The following MCC variants were observed in gnomAD, a reference collection of about 807,000 sequenced individuals.
MCC encodes colorectal mutant cancer protein.
MCC carries 90 observed loss-of-function variants against 116.2 expected under a neutral mutation model. The observed-to-expected ratio is 0.77, with a 90% CI of 0.65 to 0.92. The LOEUF (loss-of-function observed/expected upper bound fraction) is 0.92. Ranked by LOEUF, MCC falls within the 40% of genes least tolerant of loss-of-function variation. MCC has a pLI of 0.00. For synonymous variants in MCC, 578 were observed against 510.5 expected, an observed-to-expected ratio of 1.13 and a Z score of -1.78; for missense variants, 1,516 against 1,312.2, an observed-to-expected ratio of 1.16 and a Z score of -2.40.
chr5:113,334,085 T>A (rs1767813181), intron 3 of MCC, among the ~76,000 whole-genome samples: 1 of 147,422 alleles, frequency 6.8e-6, no homozygotes, highest in Non-Finnish European at 1.5e-5. Context: ...AACCAAGTAG[T>A]ATAGCTGACA....
chr5:113,396,778 T>A (rs1350182391), intron 1 of MCC, among the ~76,000 whole-genome samples: 1 of 152,210 alleles, frequency 6.6e-6, no homozygotes, highest in Non-Finnish European at 1.5e-5. Context: ...GTATTCCCAA[T>A]ACCAAGAATG....
intron 1 of MCC, among the ~76,000 whole-genome samples, chr5:113,465,138 G>T (rs1333896635): frequency 6.7e-6 from 1 of 148,998 alleles, no homozygotes; most frequent in African/African-American, 2.5e-5. Context: ...AGGAAGGGAG[G>T]CCACATAAAA....
At chr5:113,121,365 T>C (rs921566560) in intron 6 of MCC, among the ~76,000 whole-genome samples, 9 of 152,230 alleles carry the variant, frequency 5.9e-5, no homozygotes. Flanking sequence ...GTCTCTGTCA[T>C]GGCCTGTAAG....
intron 3 of MCC, among the ~76,000 whole-genome samples, chr5:113,214,182 T>A (rs1450752076): frequency 6.6e-6 from 1 of 152,182 alleles, no homozygotes; most frequent in African/African-American, 2.4e-5. Context: ...ATGAAAAGCA[T>A]CCTGGGCTAC....
chr5:113,085,370 C>A, intron 8 of MCC, 60 bp from the exon 9 acceptor site: 1 of 1,518,918 alleles, frequency 6.6e-7, no homozygotes, highest in Non-Finnish European at 8.9e-7. Flanking sequence ...AGCAAAACAG[C>A]CAGATGGGTA....
At chr5:113,104,083 A>T in intron 7 of MCC, 109 bp downstream of exon 7, 2 of 1,146,674 alleles carry the variant, frequency 1.7e-6, no homozygotes, top group East Asian at 4.9e-5. Flanking sequence ...GCTCTCATGG[A>T]AACATTCATC....
chr5:113,130,287 G>A (rs1758343624), intron 5 of MCC, among the ~76,000 whole-genome samples: 1 of 152,088 alleles, frequency 6.6e-6, no homozygotes, highest in Non-Finnish European at 1.5e-5. Flanking sequence ...GTTAAACAAT[G>A]AGAACATATG....
chr5:113,266,667 C>T (rs1484150700), intron 3 of MCC, among the ~76,000 whole-genome samples: 2 of 152,174 alleles, frequency 1.3e-5, no homozygotes, highest in Admixed American at 6.5e-5. Context: ...AGGCGTGAGC[C>T]ACCACATCCC....
At chr5:113,302,056 C>T (rs927106849) in intron 3 of MCC, among the ~76,000 whole-genome samples, 12 of 152,166 alleles carry the variant, frequency 7.9e-5, no homozygotes, top group Admixed American at 5.9e-4. Flanking sequence ...ATACAAGTAT[C>T]GCTGCTAATA....
chr5:113,343,801 ACTTTTT>A (rs1330381194), intron 2 of MCC, among the ~76,000 whole-genome samples: 2 of 152,230 alleles, frequency 1.3e-5, no homozygotes, highest in Non-Finnish European at 2.9e-5. Flanking sequence ...ATACATTTAA[ACTTTTT>A]CTTTATGCAA....
intron 3 of MCC, among the ~76,000 whole-genome samples, chr5:113,266,004 C>T (rs980116674): frequency 2.6e-5 from 4 of 152,114 alleles, no homozygotes; most frequent in Non-Finnish European, 5.9e-5. Flanking sequence ...GGAAGAGAGA[C>T]AGTAAGTCTC....
chr5:113,168,025 C>G (rs374553715), intron 3 of MCC, among the ~76,000 whole-genome samples: 54 of 152,254 alleles, frequency 3.5e-4, no homozygotes, highest in Admixed American at 1.9e-3. Context: ...TTTCAGATAT[C>G]ACATTTTTGG....
At chr5:113,430,063 A>G (rs1770586629) in intron 1 of MCC, among the ~76,000 whole-genome samples, 2 of 152,210 alleles carry the variant, frequency 1.3e-5, no homozygotes, top group Non-Finnish European at 2.9e-5. Flanking sequence ...TTTCCCTTCT[A>G]TGGATCCAAG....
chr5:113,482,475 A>G (rs960052294), intron 1 of MCC, among the ~76,000 whole-genome samples: 1 of 151,944 alleles, frequency 6.6e-6, no homozygotes, highest in African/African-American at 2.4e-5. Flanking sequence ...TAGAATTCCC[A>G]TGGTAGTTTT....
chr5:113,029,852 T>A (rs960949471), intron 17 of MCC, among the ~76,000 whole-genome samples: 2 of 152,210 alleles, frequency 1.3e-5, no homozygotes, highest in African/African-American at 4.8e-5. Context: ...AGTAGCACAC[T>A]CAGCACTATG....
chr5:113,367,632 G>A (rs1011943979), intron 2 of MCC, among the ~76,000 whole-genome samples: 1 of 116,740 alleles, frequency 8.6e-6, no homozygotes, highest in East Asian at 3.0e-4. Context: ...CAGAGGGTGG[G>A]GGGGGGGAAG....
intron 3 of MCC, among the ~76,000 whole-genome samples, chr5:113,305,904 A>C (rs72797906): frequency 4.7e-4 from 72 of 152,312 alleles, no homozygotes; most frequent in South Asian, 2.3e-3. Flanking sequence ...ACTCATTAGC[A>C]GTCACTCTGT....
At chr5:113,436,206 C>G (rs549305874) in intron 1 of MCC, 148 of 152,822 alleles carry the variant, frequency 9.7e-4, no homozygotes, top group Admixed American at 1.9e-3. Context: ...CACCTTGTTC[C>G]CCAACTCTGA....
chr5:113,100,991 G>A (rs577067429), intron 8 of MCC, among the ~76,000 whole-genome samples: 4 of 152,330 alleles, frequency 2.6e-5, no homozygotes, highest in Admixed American at 2.6e-4. Flanking sequence ...AGAAGTGCTT[G>A]TGGGTTCCTG....
Sources: allele counts gnomAD v4.1 joint callset (sites outside exome capture counted in the v4.1 genomes callset), GRCh38; gene constraint gnomAD v4.1.1; transcripts MANE v1.5; gene names NCBI Gene and HGNC (gene_info 2026-07-23, HGNC 2026-07-21).